The following FGF14 variants were observed in gnomAD, a reference collection of about 807,000 sequenced individuals.
FGF14 encodes the protein fibroblast growth factor homologous factor 4.
A neutral mutation model predicts 25.5 loss-of-function variants in FGF14; 5 were observed. The ratio of observed to expected loss-of-function variants is 0.20; its 90% CI spans 0.10 to 0.41. FGF14 has a LOEUF of 0.41. Among genes scored for constraint, FGF14 ranks in the 10% least tolerant of loss-of-function variants. The pLI is 1.00. For synonymous variants in FGF14, 138 were observed against 118.3 expected (o/e 1.17, Z -1.08); for missense variants, 222 against 320.1 (o/e 0.69, Z 2.34).
Position 101,780,121 on chromosome 13 carries a change from C to T in FGF14, c.409-53311G>A, listed in dbSNP as rs186959482. Among the ~76,000 whole-genome samples the T allele has an allele frequency of 2.0e-5, 3 of 152,246 alleles. No homozygotes were observed. The East Asian group carries it at 5.8e-4, about 29-fold the overall frequency. On this transcript the variant is annotated intron_variant, in intron 3 of 4. Transcript: ENST00000376143. ...TCAGTTTGGGTATCTGGAAAGGATA[C>T]ACTGGTGGTGGTACAATATTTACTA...
chr13:102,331,020 A>G (rs1228504992), intron 1 of FGF14, among the ~76,000 whole-genome samples: 3 of 152,246 alleles, frequency 2.0e-5, no homozygotes, highest in African/African-American at 7.2e-5. Flanking sequence ...ACCGTCCTCC[A>G]TTTGAACAGC....
intron 1 of FGF14, among the ~76,000 whole-genome samples, chr13:102,211,104 G>T (rs980238360): frequency 2.0e-5 from 3 of 151,762 alleles, no homozygotes; most frequent in African/African-American, 7.3e-5. Context: ...CCCCATCTTA[G>T]TAAAAAAGAA....
intron 1 of FGF14, among the ~76,000 whole-genome samples, chr13:102,161,615 A>AGAC (rs1566764446): frequency 9.7e-4 from 6 of 6,212 alleles, no homozygotes; most frequent in Non-Finnish European, 1.5e-3. Context: ...AAGAAGAAGA[A>AGAC]GAAGAAGAAG....
chr13:101,914,892 T>C, intron 1 of FGF14, among the ~76,000 whole-genome samples: 1 of 152,186 alleles, frequency 6.6e-6, no homozygotes, highest in Non-Finnish European at 1.5e-5. Context: ...ATAAGCACAA[T>C]TTAAGTCATA....
intron 2 of FGF14, among the ~76,000 whole-genome samples, chr13:101,869,942 C>A (rs930036316): frequency 6.6e-6 from 1 of 152,136 alleles, no homozygotes; most frequent in Admixed American, 6.6e-5. Context: ...AAATTACACC[C>A]TCTCTTCTGA....
chr13:101,794,303 C>T (rs915901037), intron 3 of FGF14, among the ~76,000 whole-genome samples: 2 of 152,010 alleles, frequency 1.3e-5, no homozygotes, highest in African/African-American at 2.4e-5. Flanking sequence ...TCTTTCTCTA[C>T]GGTTATTAAA....
intron 1 of FGF14, among the ~76,000 whole-genome samples, chr13:102,162,457 T>C (rs2047818691): frequency 6.6e-6 from 1 of 152,142 alleles, no homozygotes; most frequent in Non-Finnish European, 1.5e-5. Flanking sequence ...ATCAATTCTT[T>C]TATATGAGAT....
intron 1 of FGF14, among the ~76,000 whole-genome samples, chr13:102,162,844 T>C (rs2047836866): frequency 6.6e-6 from 1 of 152,072 alleles, no homozygotes; most frequent in Non-Finnish European, 1.5e-5. Flanking sequence ...AGTGAAGCCT[T>C]TTTGGGAGGA....
At chr13:101,995,554 G>A (rs1047688217) in intron 1 of FGF14, among the ~76,000 whole-genome samples, 1 of 152,024 alleles carries the variant, frequency 6.6e-6, no homozygotes, top group African/African-American at 2.4e-5. Flanking sequence ...ACCAATTAGA[G>A]TAATATAAAA....
At chr13:102,014,259 A>C (rs2139819715) in intron 1 of FGF14, among the ~76,000 whole-genome samples, 1 of 152,204 alleles carries the variant, frequency 6.6e-6, no homozygotes, top group African/African-American at 2.4e-5. Context: ...ACTTCTAAAC[A>C]TTTTGGTTGA....
chr13:102,195,549 C>T (rs899589807), intron 1 of FGF14, among the ~76,000 whole-genome samples: 1 of 151,060 alleles, frequency 6.6e-6, no homozygotes, highest in Non-Finnish European at 1.5e-5. Context: ...ATCTATTTAG[C>T]ATAAAAGAAG....
At chr13:101,737,045 T>TTTTTG (rs2036237960) in intron 3 of FGF14, among the ~76,000 whole-genome samples, 1 of 139,786 alleles carries the variant, frequency 7.2e-6, no homozygotes, top group Non-Finnish European at 1.6e-5. Flanking sequence ...TTCATTATTT[T>TTTTTG]AGCCTTATGT....
Position 102,400,715 on chromosome 13 carries a change from G to C in FGF14, c.208+756C>G, listed in dbSNP as rs2058683515. On this transcript the variant is annotated intron_variant, in intron 1 of 4. Coordinates refer to the FGF14 transcript ENST00000376131. This position sits in a 1 kb window ranked among gnomAD's most constrained non-coding sequence, Gnocchi z 4.3. ...GCTTAAAAGCAGGAACTCACGGCCT[G>C]GCTCATCCCCACCCCTGGCCCTGTG... Among the ~76,000 whole-genome samples the C allele has an allele frequency of 6.6e-6, 1 of 152,220 alleles. No individual in the cohort carries two copies. The highest frequency in any genetic ancestry group is 1.5e-5 in the Non-Finnish European group (1 of 68,046).
At chr13:101,723,193 G>A (rs1227267372) in intron 4 of FGF14, 9 of 556,038 alleles carry the variant, frequency 1.6e-5, no homozygotes, top group Non-Finnish European at 2.9e-5. Flanking sequence ...ATATGTATAT[G>A]AGTGTGCATG....
At chr13:102,114,628 C>T (rs593554) in intron 1 of FGF14, among the ~76,000 whole-genome samples, 80,980 of 151,960 alleles carry the variant, frequency 0.53, 22,994 homozygotes, top group East Asian at 0.75. Flanking sequence ...GTGTGGTGCA[C>T]ATATACAATG....
chr13:102,274,161 G>A (rs2053392058), intron 1 of FGF14, among the ~76,000 whole-genome samples: 2 of 152,142 alleles, frequency 1.3e-5, no homozygotes, highest in Non-Finnish European at 2.9e-5. Context: ...TCCCTTGCCT[G>A]TGCCTGGCTA....
chr13:101,782,816 C>G (rs1282816420), intron 3 of FGF14, among the ~76,000 whole-genome samples: 1 of 152,106 alleles, frequency 6.6e-6, no homozygotes, highest in Non-Finnish European at 1.5e-5. Flanking sequence ...GATTCCATGT[C>G]TTTGCTATTG....
At chr13:102,251,174 A>T (rs1444308853) in intron 1 of FGF14, among the ~76,000 whole-genome samples, 1 of 152,202 alleles carries the variant, frequency 6.6e-6, no homozygotes. Flanking sequence ...TGCTACATCA[A>T]ATCACTACTC....
At chr13:101,898,941 G>T (rs2031135818) in intron 1 of FGF14, among the ~76,000 whole-genome samples, 1 of 152,148 alleles carries the variant, frequency 6.6e-6, no homozygotes, top group Non-Finnish European at 1.5e-5. Context: ...CTTCAAAAGT[G>T]GAGGAAGGCA....
Sources: allele counts gnomAD v4.1 joint callset (sites outside exome capture counted in the v4.1 genomes callset), GRCh38; gene constraint gnomAD v4.1.1; non-coding constraint Gnocchi (gnomAD v3.1); transcripts MANE v1.5; gene names NCBI Gene and HGNC (gene_info 2026-07-23, HGNC 2026-07-21).